Variants in FAM3D observed in about 807,000 individuals in gnomAD.
The protein encoded by FAM3D is FAM3 metabolism regulating signaling molecule D, also known as protein FAM3D.
FAM3D carries 26 observed loss-of-function variants against 29.8 expected under a neutral mutation model. The observed-to-expected ratio is 0.87, with a 90% CI of 0.64 to 1.21. The LOEUF is 1.21. Among genes scored for constraint, FAM3D ranks in the 50% most tolerant of loss-of-function variants. FAM3D has a pLI of 0.00. For missense variants in FAM3D, 253 were observed against 290.9 expected, an observed-to-expected ratio of 0.87 and a Z score of 0.95; for synonymous variants, 115 against 102.3, an observed-to-expected ratio of 1.12 and a Z score of -0.75.
chr3:58,634,249 G>T lies in FAM3D; in HGVS notation c.*30C>A. 1.2e-6 allele frequency: 2 copies of T among 1,603,842 alleles called. No homozygotes were observed. Among genetic ancestry groups the T allele is most frequent in the Non-Finnish European group, 1.7e-6 (2 of 1,172,968 alleles). On this transcript the variant is annotated 3_prime_UTR_variant, in exon 10 of 10. Coordinates refer to ENST00000358781, the MANE Select transcript of FAM3D (RefSeq NM_138805.3). This position sits in a 1 kb window ranked among gnomAD's most constrained non-coding sequence, Gnocchi z 4.6. ...CTAAGTCAGGCAGGAGCTTCTTCAGGCCCCTGGCTGAGGAAGAGCCACAGC... is the reference window on the plus strand; with the variant it reads ...CTAAGTCAGGCAGGAGCTTCTTCAGTCCCCTGGCTGAGGAAGAGCCACAGC...
At chr3:58,647,865 T>C (rs1338939340) in intron 4 of FAM3D, among the ~76,000 whole-genome samples, 1 of 152,256 alleles carries the variant, frequency 6.6e-6, no homozygotes, top group African/African-American at 2.4e-5. Context: ...TAGGCTGCTC[T>C]TTCATTAATC....
At chr3:58,636,114 A>G (rs932994980) in intron 9 of FAM3D, among the ~76,000 whole-genome samples, 180 bp downstream of exon 9, 1 of 152,164 alleles carries the variant, frequency 6.6e-6, no homozygotes, top group Non-Finnish European at 1.5e-5. Flanking sequence ...CGAAATGGCC[A>G]AGGCAGCTTC....
In FAM3D at chr3:58,659,340, T is replaced by C. The variant is rs571773649; in HGVS notation, c.-38-3739A>G. On this transcript the variant is annotated intron_variant, in intron 1 of 9. Transcript: ENST00000358781. The stretch of plus-strand genomic sequence containing the variant: ...CTGCCTGCCGGTCTGTGACATTTCT[T>C]AAAGGCCCTACAGGAGCCGGGATGT... 1.5e-4 allele frequency among the ~76,000 whole-genome samples: 23 copies of C among 152,338 alleles called. No individual in the cohort carries two copies. In the South Asian group the frequency reaches 3.9e-3, roughly 26 times the overall value.
intron 5 of FAM3D, 64 bp downstream of exon 5, chr3:58,645,445 T>A (rs549201488): frequency 6.2e-6 from 8 of 1,280,916 alleles, no homozygotes; most frequent in African/African-American, 5.9e-5. Flanking sequence ...CTGAGTTTTT[T>A]AATGAATGAA....
At chr3:58,651,400 G>A (rs1024283085) in intron 3 of FAM3D, among the ~76,000 whole-genome samples, 55 of 152,128 alleles carry the variant, frequency 3.6e-4, no homozygotes, top group African/African-American at 1.2e-3. Context: ...GGTTTTTACT[G>A]GCCATCTTTC....
intron 1 of FAM3D, among the ~76,000 whole-genome samples, chr3:58,659,039 C>A (rs1397762115): frequency 6.6e-6 from 1 of 152,208 alleles, no homozygotes; most frequent in Non-Finnish European, 1.5e-5. Context: ...CTGGGTTTGC[C>A]ACTTACTAGT....
chr3:58,648,849 A>G (rs1322198508), intron 4 of FAM3D, among the ~76,000 whole-genome samples: 1 of 152,142 alleles, frequency 6.6e-6, no homozygotes. Flanking sequence ...CCCAACAGAC[A>G]ATCAGCACCC....
Position 58,640,193 on chromosome 3 carries a change from A to C in FAM3D, c.323-16T>G. On this transcript the variant is annotated splice_polypyrimidine_tract_variant and intron_variant, in intron 6 of 9. Transcript: ENST00000358781. ...CCCGTGGTTCCTAGGGGTTAAGAGG[A>C]GAACGATTATCCCCTGTAACACGTG... is the stretch of plus-strand genomic sequence containing the variant. The C allele has an allele frequency of 6.2e-7, 1 of 1,614,000 alleles. No homozygotes were observed.
intron 6 of FAM3D, among the ~76,000 whole-genome samples, chr3:58,642,554 C>CAG (rs2066363838): frequency 6.6e-6 from 1 of 152,134 alleles, no homozygotes; most frequent in Admixed American, 6.5e-5. Flanking sequence ...AGAACAGAGG[C>CAG]AGAGAGGAGG....
intron 1 of FAM3D, among the ~76,000 whole-genome samples, chr3:58,663,287 T>C (rs2066967037): frequency 1.3e-5 from 2 of 152,204 alleles, no homozygotes; most frequent in African/African-American, 4.8e-5. Flanking sequence ...GAACTGGAGA[T>C]GTTATGTATA....
chr3:58,644,519 C>T (rs1430198971), intron 5 of FAM3D, among the ~76,000 whole-genome samples: 1 of 152,190 alleles, frequency 6.6e-6, no homozygotes, highest in Non-Finnish European at 1.5e-5. Context: ...ACTGTGAGTC[C>T]ATTAAAATCT....
At position 58,658,596 on chromosome 3, in the gene FAM3D, C is replaced by A. The variant is rs75279216; in HGVS notation, c.-38-2995G>T. Among the ~76,000 whole-genome samples the A allele has an allele frequency of 3.6e-3, 548 of 152,280 alleles. 8 individuals carry two copies. The highest frequency in any genetic ancestry group is 0.013 in the African/African-American group (521 of 41,556). ...AGAAATCACTTCTGGGAAGCCTTCC[C>A]TGACTCTCTGAGTCAAGGTTCAACA... is the stretch of plus-strand genomic sequence containing the variant. On this transcript the variant is annotated intron_variant, in intron 1 of 9. Transcript: ENST00000358781.
chr3:58,655,595 C>A lies in FAM3D; in HGVS notation c.-32G>T. The stretch of plus-strand genomic sequence containing the variant: ...CAGGTGAAGGGTGGCTTGGGGTCAG[C>A]TTCCACCTATGGAGAGAAGAAAATC... On this transcript the variant is annotated 5_prime_UTR_variant, in exon 2 of 10. Coordinates refer to ENST00000358781, the MANE Select transcript of FAM3D (RefSeq NM_138805.3). The A allele has an allele frequency of 6.2e-7, 1 of 1,612,346 alleles. No individual in the cohort carries two copies. The highest frequency in any genetic ancestry group is 8.5e-7 in the Non-Finnish European group (1 of 1,179,108).
chr3:58,665,844 GTTATT>G (rs1477223889), intron 1 of FAM3D, among the ~76,000 whole-genome samples: 5 of 152,228 alleles, frequency 3.3e-5, no homozygotes, highest in Non-Finnish European at 7.3e-5. Context: ...CATCATACAT[GTTATT>G]TTATGTACTT....
chr3:58,655,213 C>T (rs944402125), intron 2 of FAM3D, among the ~76,000 whole-genome samples: 2 of 152,142 alleles, frequency 1.3e-5, no homozygotes, highest in Non-Finnish European at 2.9e-5. Context: ...ACTAGAAGGC[C>T]TTTGCCTCCC....
At chr3:58,651,550 T>C (rs78971977) in intron 3 of FAM3D, among the ~76,000 whole-genome samples, 172 of 152,338 alleles carry the variant, frequency 1.1e-3, no homozygotes, top group Non-Finnish European at 1.2e-3. Flanking sequence ...ATGTTCCTCA[T>C]TGAGGGTCCC....
chr3:58,642,823 A>G (rs1024189351), intron 6 of FAM3D, among the ~76,000 whole-genome samples: 4 of 151,932 alleles, frequency 2.6e-5, no homozygotes, highest in Admixed American at 6.6e-5. Flanking sequence ...GTGGCTCCCT[A>G]CTGCTCTCGG....
At chr3:58,664,385 T>C (rs2066990283) in intron 1 of FAM3D, among the ~76,000 whole-genome samples, 1 of 150,744 alleles carries the variant, frequency 6.6e-6, no homozygotes, top group South Asian at 2.2e-4. Context: ...ATTTATCTGA[T>C]AGGCTGTGAA....
intron 6 of FAM3D, among the ~76,000 whole-genome samples, chr3:58,641,902 G>A (rs541569629): frequency 3.9e-5 from 6 of 152,328 alleles, no homozygotes; most frequent in Middle Eastern, 3.4e-3. Flanking sequence ...TCTCAGGTGC[G>A]ACCCATTTAG....
Sources: gnomAD v4.1 joint callset for allele counts (sites outside exome capture counted in the v4.1 genomes callset) on GRCh38, gnomAD v4.1.1 for gene constraint, Gnocchi (gnomAD v3.1) non-coding constraint, MANE v1.5 for transcripts, NCBI Gene and HGNC (gene_info 2026-07-23, HGNC 2026-07-21) for gene names.